The following GRM7 variants were observed in gnomAD, a reference collection of about 807,000 sequenced individuals.
GRM7 encodes the protein glutamate metabotropic receptor 7.
In GRM7, 35 loss-of-function variants were observed where a neutral mutation model predicts 84.5. The observed-to-expected ratio is 0.41, with a 90% CI of 0.32 to 0.55. The LOEUF (loss-of-function observed/expected upper bound fraction) is 0.55. Among genes scored for constraint, GRM7 ranks in the 20% least tolerant of loss-of-function variants. GRM7 has a pLI of 0.19. For missense variants in GRM7, 1,003 were observed against 1,194.6 expected (o/e 0.84, Z 2.36); for synonymous variants, 487 against 455.1 (o/e 1.07, Z -0.89).
At chr3:7,476,882 C>G (rs1698942986) in intron 7 of GRM7, among the ~76,000 whole-genome samples, 1 of 152,298 alleles carries the variant, frequency 6.6e-6, no homozygotes, top group South Asian at 2.1e-4. Context: ...AATATTCCAC[C>G]ACCAAACTGA....
At chr3:7,104,761 G>T (rs1699238118) in intron 1 of GRM7, among the ~76,000 whole-genome samples, 1 of 151,654 alleles carries the variant, frequency 6.6e-6, no homozygotes, top group South Asian at 2.1e-4. Flanking sequence ...ATAAGAGCTG[G>T]TATGTTATCC....
intron 5 of GRM7, among the ~76,000 whole-genome samples, chr3:7,418,039 A>G (rs958507517): frequency 1.3e-5 from 2 of 152,186 alleles, no homozygotes; most frequent in Middle Eastern, 3.2e-3. Flanking sequence ...TTCATACTTC[A>G]TAATTTTACT....
chr3:7,458,768 A>T (rs1281230524), intron 6 of GRM7, among the ~76,000 whole-genome samples: 1 of 152,104 alleles, frequency 6.6e-6, no homozygotes, highest in Non-Finnish European at 1.5e-5. Context: ...GAAAATCTCA[A>T]ATCATGTTGT....
At chr3:7,564,463 G>T (rs1575498239) in intron 7 of GRM7, among the ~76,000 whole-genome samples, 1 of 152,076 alleles carries the variant, frequency 6.6e-6, no homozygotes, top group Non-Finnish European at 1.5e-5. Flanking sequence ...ACTGTGTGTG[G>T]AGAGATCTAG....
chr3:7,298,915 G>T, intron 3 of GRM7, 90 bp downstream of exon 3: 1 of 1,174,040 alleles, frequency 8.5e-7, no homozygotes, highest in Admixed American at 1.8e-5. Flanking sequence ...GGAAAAGATA[G>T]CATAAGATCA....
rs140391085 is a variant in GRM7, at chr3:7,338,299, G to A, written c.1033+31647G>A. On this transcript the variant is annotated intron_variant, in intron 4 of 9. Coordinates refer to ENST00000357716, the MANE Select transcript of GRM7 (RefSeq NM_000844.4). ...CTATAAGAGGGAGCTAAGTTATGAG[G>A]ATGCAAAGGCATAAGAATAATATAA... 7.2e-4 allele frequency among the ~76,000 whole-genome samples: 109 copies of A among 151,980 alleles called. 3 individuals are homozygous for A. Among genetic ancestry groups the A allele is most frequent in the African/African-American group, 2.5e-3 (105 of 41,470 alleles).
chr3:7,257,867 C>A (rs747290755), intron 2 of GRM7, among the ~76,000 whole-genome samples: 7 of 151,978 alleles, frequency 4.6e-5, no homozygotes, highest in Non-Finnish European at 1.0e-4. Context: ...AATTTTTATT[C>A]CTTGTTTTAT....
intron 7 of GRM7, among the ~76,000 whole-genome samples, chr3:7,552,240 T>C (rs1256169502): frequency 1.3e-5 from 2 of 152,230 alleles, no homozygotes; most frequent in Non-Finnish European, 2.9e-5. Context: ...TGCAAGAAGT[T>C]GGTTCTCACA....
chr3:6,895,540 A>G (rs931934464), intron 1 of GRM7, among the ~76,000 whole-genome samples: 14 of 152,160 alleles, frequency 9.2e-5, no homozygotes, highest in Non-Finnish European at 2.9e-5. Flanking sequence ...TGAAGCTCAG[A>G]GATACTGTCA....
intron 7 of GRM7, among the ~76,000 whole-genome samples, chr3:7,563,927 C>T (rs1370251333): frequency 6.6e-6 from 1 of 152,116 alleles, no homozygotes; most frequent in African/African-American, 2.4e-5. Context: ...ACCTCCTGGG[C>T]TTACATTCAG....
At chr3:7,507,815 A>T (rs1296438291) in intron 7 of GRM7, among the ~76,000 whole-genome samples, 1 of 152,190 alleles carries the variant, frequency 6.6e-6, no homozygotes, top group Non-Finnish European at 1.5e-5. Flanking sequence ...TTTTATTTCA[A>T]ACAAGACAGA....
intron 1 of GRM7, among the ~76,000 whole-genome samples, chr3:7,145,954 T>A (rs1273365885): frequency 6.6e-6 from 1 of 152,184 alleles, no homozygotes; most frequent in Non-Finnish European, 1.5e-5. Flanking sequence ...ATAAATTAGA[T>A]AATGCTTGTG....
At chr3:7,641,189 C>T (rs3804854) in intron 8 of GRM7, among the ~76,000 whole-genome samples, 132,337 of 152,168 alleles carry the variant, frequency 0.87, 57,706 homozygotes, top group African/African-American at 0.94. Flanking sequence ...ACTCCAGAAA[C>T]CTCTAGAACT....
intron 9 of GRM7, among the ~76,000 whole-genome samples, chr3:7,684,157 CATT>C (rs2125144739): frequency 6.6e-6 from 1 of 152,296 alleles, no homozygotes; most frequent in East Asian, 1.9e-4. Flanking sequence ...TACTAGGTAA[CATT>C]ATAATATTCT....
rs1575338545 is a variant in GRM7, at chr3:7,440,122, A to G, written c.1175-12485A>G. Reference sequence around the variant, plus strand: ...GAGAGCTTAGCAGATACAGGATCAGAGAGGCTTGTCCAGTGGGCAGTAAAG... The same window carrying G: ...GAGAGCTTAGCAGATACAGGATCAGGGAGGCTTGTCCAGTGGGCAGTAAAG... On this transcript the variant is annotated intron_variant, in intron 5 of 9. Coordinates refer to ENST00000357716, the MANE Select transcript of GRM7 (RefSeq NM_000844.4). Among the ~76,000 whole-genome samples, 4 of 152,332 alleles carry G rather than the reference A, an allele frequency of 2.6e-5. No individual in the cohort carries two copies. In the South Asian group the frequency reaches 8.3e-4, roughly 32 times the overall value.
At chr3:7,161,116 C>T (rs544025137) in intron 2 of GRM7, among the ~76,000 whole-genome samples, 11 of 152,214 alleles carry the variant, frequency 7.2e-5, no homozygotes, top group African/African-American at 2.6e-4. Flanking sequence ...AAGAACCAGA[C>T]AGCCTTAGGC....
In GRM7 at chr3:6,978,696, A is replaced by G. The variant is rs115820062; in HGVS notation, c.519+116789A>G. On this transcript the variant is annotated intron_variant, in intron 1 of 9. Transcript: ENST00000357716. The stretch of plus-strand genomic sequence containing the variant: ...ATGACTTATCTACATTATTTCTACT[A>G]AAGGAGAACATAGTGGCATAACGGG... 7.4e-3 allele frequency among the ~76,000 whole-genome samples: 1,119 copies of G among 152,234 alleles called. 13 individuals are homozygous for G. The highest frequency in any genetic ancestry group is 0.025 in the African/African-American group (1,049 of 41,554).
rs182585144 is a variant in GRM7, at chr3:7,082,938, G to C, written c.520-63514G>C. Among the ~76,000 whole-genome samples the C allele has an allele frequency of 3.1e-3, 469 of 152,260 alleles. 3 individuals carry two copies. The highest frequency in any genetic ancestry group is 5.2e-3 in the South Asian group (25 of 4,822). The stretch of plus-strand genomic sequence containing the variant: ...AATGAACGAGGAATTGCTTCTTATG[G>C]ATGAGCAAAGAAAGTGACTTCTTGA... On this transcript the variant is annotated intron_variant, in intron 1 of 9. Coordinates refer to ENST00000357716, the MANE Select transcript of GRM7 (RefSeq NM_000844.4).
intron 7 of GRM7, among the ~76,000 whole-genome samples, chr3:7,563,949 T>G (rs1575497800): frequency 1.3e-5 from 2 of 152,018 alleles, no homozygotes; most frequent in African/African-American, 4.8e-5. Context: ...TGGAGGGAGA[T>G]GGACACAGAA....
Sources: gnomAD v4.1 joint callset for allele counts (sites outside exome capture counted in the v4.1 genomes callset) on GRCh38, gnomAD v4.1.1 for gene constraint, MANE v1.5 for transcripts, NCBI Gene and HGNC (gene_info 2026-07-23, HGNC 2026-07-21) for gene names.